Variants in GPR107 observed in about 807,000 individuals in gnomAD.
GPR107 encodes the protein G protein-coupled receptor 107.
Under a neutral mutation model 75.5 loss-of-function variants are expected in GPR107, and 31 were observed. The ratio of observed to expected loss-of-function variants is 0.41; its 90% CI spans 0.31 to 0.55. GPR107 has a LOEUF of 0.55. Among genes scored for constraint, GPR107 ranks in the 20% least tolerant of loss-of-function variants. The pLI, the probability that GPR107 is intolerant of heterozygous loss-of-function variation, is 0.26. For missense variants in GPR107, 572 were observed against 665.7 expected (o/e 0.86, Z 1.55); for synonymous variants, 267 against 251.3 (o/e 1.06, Z -0.59).
intron 14 of GPR107, chr9:130,120,766 A>G (rs950061567): frequency 2.6e-5 from 4 of 152,064 alleles, no homozygotes; most frequent in Admixed American, 2.0e-4. Flanking sequence ...ATTGTTCTCA[A>G]GTGTAGACCT....
At chr9:130,064,073 A>G (rs1234475786) in intron 1 of GPR107, among the ~76,000 whole-genome samples, 1 of 151,964 alleles carries the variant, frequency 6.6e-6, no homozygotes, top group Non-Finnish European at 1.5e-5. Context: ...TTGGCCTCAC[A>G]AAGTGCTGGG....
chr9:130,133,509 A>G (rs1421120971), intron 17 of GPR107, among the ~76,000 whole-genome samples: 1 of 152,144 alleles, frequency 6.6e-6, no homozygotes, highest in Non-Finnish European at 1.5e-5. Context: ...GGCTCGGGGC[A>G]GGGGCTTCTC....
rs1831747121 is a variant in GPR107, at chr9:130,128,751, A to G, written c.1552A>G (p.Met518Val). 1 of 1,613,860 alleles carries G rather than the reference A, an allele frequency of 6.2e-7. No individual in the cohort carries two copies. Among genetic ancestry groups the G allele is most frequent in the Non-Finnish European group, 8.5e-7 (1 of 1,179,702 alleles). The change falls in exon 17 of 18, where the codon ATG becomes GTG. Residue 518 changes from methionine (M) to valine (V), a missense_variant. Met to Val is a conservative substitution (Grantham distance 21). Coordinates refer to ENST00000347136, the MANE Select transcript of GPR107 (RefSeq NM_020960.5). Reference protein sequence around the residue: ...QLSQEEEDLEMESVVTTSGVM... With the variant: ...QLSQEEEDLEVESVVTTSGVM... ...TTCTCAGGAAGAAGAAGACTTGGAA[A>G]TGGAGTCCGTGTAAGAAATCTTTCT...
At chr9:130,086,516 T>C (rs1433532546) in intron 7 of GPR107, 40 bp downstream of exon 7, 3 of 1,179,704 alleles carry the variant, frequency 2.5e-6, no homozygotes, top group Admixed American at 1.8e-5. Context: ...AGAATTTCTC[T>C]CTACCATGTA....
intron 14 of GPR107, among the ~76,000 whole-genome samples, chr9:130,113,156 C>T (rs1831344921): frequency 6.6e-6 from 1 of 151,416 alleles, no homozygotes; most frequent in Admixed American, 6.6e-5. Flanking sequence ...TCAACAAAAA[C>T]AACTAATAGT....
intron 1 of GPR107, among the ~76,000 whole-genome samples, chr9:130,063,461 A>T (rs1226344412): frequency 2.0e-5 from 3 of 152,216 alleles, no homozygotes; most frequent in Non-Finnish European, 4.4e-5. Flanking sequence ...AAGTGCTGGG[A>T]TTACAGGCAT....
rs1831085564 is a variant in GPR107, at chr9:130,103,455, A to G, written c.1132-965A>G. 6.6e-6 allele frequency among the ~76,000 whole-genome samples: 1 copy of G among 152,172 alleles called. No homozygotes were observed. Among genetic ancestry groups the G allele is most frequent in the African/African-American group, 2.4e-5 (1 of 41,444 alleles). The stretch of plus-strand genomic sequence containing the variant: ...CCAGTGGTAATCTTCAAAAGGATGT[A>G]TTATAAGTGGTAAATTTCCCTTATG... On this transcript the variant is annotated intron_variant, in intron 12 of 17. Coordinates refer to ENST00000347136, the MANE Select transcript of GPR107 (RefSeq NM_020960.5). This position sits in a 1 kb window ranked among gnomAD's most constrained non-coding sequence, Gnocchi z 4.3.
At chr9:130,089,864 A>G (rs1300283095) in intron 7 of GPR107, among the ~76,000 whole-genome samples, 1 of 151,940 alleles carries the variant, frequency 6.6e-6, no homozygotes, top group Non-Finnish European at 1.5e-5. Flanking sequence ...TCAGATGTCT[A>G]TTTTTCCCCG....
intron 1 of GPR107, among the ~76,000 whole-genome samples, chr9:130,066,911 A>G (rs969349562): frequency 6.6e-5 from 10 of 152,002 alleles, no homozygotes; most frequent in Non-Finnish European, 1.2e-4. Context: ...GCGTGAACCC[A>G]GGAGGCGGAG....
chr9:130,131,606 C>T (rs371969228), intron 17 of GPR107, among the ~76,000 whole-genome samples: 1 of 152,140 alleles, frequency 6.6e-6, no homozygotes, highest in African/African-American at 2.4e-5. Context: ...CCCCTGTCCT[C>T]CTGCTCCGCG....
chr9:130,079,837 T>A, intron 5 of GPR107, 68 bp downstream of exon 5: 1 of 932,432 alleles, frequency 1.1e-6, no homozygotes, highest in Non-Finnish European at 1.6e-6. Context: ...TGTTCCTAAT[T>A]AAAAGTAAAA....
rs782754662 is a variant in GPR107, at chr9:130,135,115, C to T, written c.1653C>T (p.Ala551=). ...AGCCCCAGGGCGAGTGGGAAGGCGC[C>T]GTGTGACAGAGCCGACCCTGAGGAT... ...SVEPQGEWEG[A]V Residue 551 remains alanine (A), a synonymous_variant, in exon 18 of 18, where the codon GCC becomes GCT. Transcript: ENST00000347136. 1.7e-5 allele frequency: 27 copies of T among 1,589,724 alleles called. No individual in the cohort carries two copies. The highest frequency in any genetic ancestry group is 4.5e-5 in the East Asian group (2 of 44,752).
rs1832036859 is a variant in GPR107 at position 130,139,314 on chromosome 9, GT to G, written c.*4196del. 1 of 152,328 alleles carries G rather than the reference GT, an allele frequency of 6.6e-6. No homozygotes were observed. The highest frequency in any genetic ancestry group is 1.5e-5 in the Non-Finnish European group (1 of 68,034). 9.4% of individuals were successfully genotyped at this position (152,328 alleles called of 1,614,324 possible). ...TCTTCACTCCAGTTTTCCCTAGGGTGTTTCTGGCAGGGCGTTTTTAAAAGGC... is the reference window on the plus strand; with the variant it reads ...TCTTCACTCCAGTTTTCCCTAGGGTGTTCTGGCAGGGCGTTTTTAAAAGGC... On this transcript the variant is annotated 3_prime_UTR_variant, in exon 18 of 18. Transcript: ENST00000347136.
chr9:130,064,339 A>G (rs1283985329), intron 1 of GPR107, among the ~76,000 whole-genome samples: 1 of 150,210 alleles, frequency 6.7e-6, no homozygotes, highest in Non-Finnish European at 1.5e-5. Context: ...CTGGGACTAC[A>G]GGCGCCCGCC....
At chr9:130,073,209 C>T (rs1830253515) in intron 1 of GPR107, among the ~76,000 whole-genome samples, 1 of 152,190 alleles carries the variant, frequency 6.6e-6, no homozygotes, top group South Asian at 2.1e-4. Flanking sequence ...TGTTCATTTT[C>T]CCTCATCCTC....
At chr9:130,104,685 A>G in intron 13 of GPR107, 135 bp downstream of exon 13, 1 of 714,126 alleles carries the variant, frequency 1.4e-6, no homozygotes, top group Non-Finnish European at 2.3e-6. Flanking sequence ...TCCCAGACTG[A>G]CCTGAATCAG....
intron 14 of GPR107, among the ~76,000 whole-genome samples, chr9:130,122,417 A>G (rs1831570454): frequency 1.3e-5 from 2 of 152,346 alleles, no homozygotes; most frequent in South Asian, 4.1e-4. Flanking sequence ...CAAAAGGTTC[A>G]TCCCAGAGGG....
At chr9:130,057,271 G>A (rs1829815294) in intron 1 of GPR107, among the ~76,000 whole-genome samples, 1 of 152,098 alleles carries the variant, frequency 6.6e-6, no homozygotes, top group African/African-American at 2.4e-5. Flanking sequence ...TTGAGGTCAA[G>A]AGTTGGAGGC....
intron 7 of GPR107, among the ~76,000 whole-genome samples, chr9:130,089,424 G>A (rs932482798): frequency 9.2e-5 from 14 of 152,106 alleles, no homozygotes; most frequent in African/African-American, 3.4e-4. Flanking sequence ...ATGATTTCTC[G>A]CTGTTCTACC....
Sources: gnomAD v4.1 joint callset for allele counts (sites outside exome capture counted in the v4.1 genomes callset) on GRCh38, gnomAD v4.1.1 for gene constraint, Gnocchi (gnomAD v3.1) non-coding constraint, MANE v1.5 for transcripts, NCBI Gene and HGNC (gene_info 2026-07-23, HGNC 2026-07-21) for gene names.